ITM2A: variants seen among roughly 807,000 people sequenced by gnomAD.
ITM2A encodes integral membrane protein 2A, also known as BRICHOS domain containing 2A.
A neutral mutation model predicts 16.6 loss-of-function variants in ITM2A; 11 were observed. The observed-to-expected ratio is 0.66, with a 90% CI of 0.42 to 1.10. The LOEUF (loss-of-function observed/expected upper bound fraction) is 1.10. Ranked by LOEUF, ITM2A falls within the 50% of genes least tolerant of loss-of-function variation. The probability of loss-of-function intolerance (pLI) is 0.00; values close to 1 mark genes in which losing one functional copy is unlikely to be tolerated. For synonymous variants in ITM2A, 102 were observed against 71.2 expected (o/e 1.43, Z -2.18); for missense variants, 243 against 206.8 (o/e 1.17, Z -1.07).
At chrX:79,363,179 C>G in intron 2 of ITM2A, 40 bp from the exon 3 acceptor site, 1 of 1,044,736 alleles carries the variant, frequency 9.6e-7, no homozygotes, top group Non-Finnish European at 1.3e-6. Flanking sequence ...TTCTAATAAT[C>G]ACTATCATGA....
chrX:79,362,923 A>G lies in ITM2A; in HGVS notation c.441+19T>C, dbSNP rs374247600. The G allele has an allele frequency of 8.7e-7, 1 of 1,150,345 alleles. No homozygotes were observed. The highest frequency in any genetic ancestry group is 1.8e-5 in the African/African-American group (1 of 55,716). The allele number at this position is 1,150,345 out of a possible 1,213,427, so 94.8% of individuals were successfully genotyped here. A position where few individuals can be genotyped will look rare whatever the true frequency, so the allele number is the denominator to read the frequency against. On this transcript the variant is annotated intron_variant, in intron 3 of 5. Transcript: ENST00000373298. ...AGAGAAAAAAAATCCTGGAATATTTATAAGAATGAGAAGCCCACCTTTTCA... is the reference window on the plus strand; with the variant it reads ...AGAGAAAAAAAATCCTGGAATATTTGTAAGAATGAGAAGCCCACCTTTTCA...
intron 2 of ITM2A, 75 bp from the exon 3 acceptor site, chrX:79,363,214 T>C (rs1925487039): frequency 1.2e-6 from 1 of 864,643 alleles, no homozygotes; most frequent in South Asian, 2.3e-5. Context: ...TTCACACTCA[T>C]ATCAATTCAT....
intron 2 of ITM2A, 21 bp from the exon 3 acceptor site, chrX:79,363,160 A>C: frequency 8.9e-7 from 1 of 1,120,375 alleles, no homozygotes; most frequent in East Asian, 3.0e-5. Flanking sequence ...AAAAGGGAAA[A>C]TTACAACCTT....
At position 79,361,474 on chromosome X, in the gene ITM2A, G is replaced by T; in HGVS notation, c.558C>A (p.Gly186=). The change falls in exon 5 of 6, where the codon GGC becomes GGA. Residue 186 remains glycine, a synonymous_variant. Coordinates refer to ENST00000373298, the MANE Select transcript of ITM2A (RefSeq NM_004867.5). Reference sequence around the variant, plus strand: ...CCACATAAGTTTGAGGCAGATATCTGCCACTCTAAAAATCAAAAGCAAAGA... The same window carrying T: ...CCACATAAGTTTGAGGCAGATATCTTCCACTCTAAAAATCAAAAGCAAAGA... The part of the protein sequence containing the change: ...LVELFGKLAS[G]RYLPQTYVVR... 8.4e-7 allele frequency: 1 copy of T among 1,192,338 alleles called. No homozygotes were observed. The highest frequency in any genetic ancestry group is 1.8e-5 in the African/African-American group (1 of 57,140).
chrX:79,361,264 A>G, intron 5 of ITM2A, 65 bp downstream of exon 5: 1 of 1,131,992 alleles, frequency 8.8e-7, no homozygotes, highest in Non-Finnish European at 1.2e-6. Context: ...TTTTTCCTGT[A>G]TTCTACCTCC....
intron 1 of ITM2A, among the ~76,000 whole-genome samples, chrX:79,365,262 T>G (rs1445446451): frequency 1.8e-5 from 2 of 112,100 alleles, no homozygotes; most frequent in Non-Finnish European, 3.8e-5. Flanking sequence ...TATTAGAATT[T>G]CAATTTCATA....
intron 1 of ITM2A, among the ~76,000 whole-genome samples, chrX:79,364,278 T>C (rs1244666136): frequency 8.9e-6 from 1 of 112,298 alleles, no homozygotes; most frequent in Non-Finnish European, 1.9e-5. Context: ...TTTCTTAATA[T>C]CGATCAATAT....
chrX:79,361,984 G>T (rs1473674156), intron 4 of ITM2A, among the ~76,000 whole-genome samples: 1 of 108,771 alleles, frequency 9.2e-6, no homozygotes, highest in East Asian at 2.9e-4. Flanking sequence ...AAATATTGCT[G>T]CAATGAACAT....
At chrX:79,364,596 G>A (rs192458000) in intron 1 of ITM2A, among the ~76,000 whole-genome samples, 90 of 111,729 alleles carry the variant, frequency 8.1e-4, no homozygotes, top group African/African-American at 2.9e-3. Context: ...AGCAAATCTA[G>A]GCCCTGATCA....
intron 1 of ITM2A, among the ~76,000 whole-genome samples, chrX:79,366,099 T>C (rs1925566064): frequency 9.0e-6 from 1 of 111,662 alleles, no homozygotes; most frequent in South Asian, 3.8e-4. Context: ...ACGAAGACAA[T>C]ACTATTGCCC....
Position 79,363,783 on chromosome X carries a change from G to A in ITM2A, c.112-229C>T, listed in dbSNP as rs140358548. 4.8e-3 allele frequency among the ~76,000 whole-genome samples: 539 copies of A among 111,406 alleles called. 1 individual carries two copies. The highest frequency in any genetic ancestry group is 0.016 in the African/African-American group (484 of 30,672). ...TTTGGCATTTCTAAACCCAAATATC[G>A]ATATGAAATTATTTCAAAATACATG... On this transcript the variant is annotated intron_variant, in intron 1 of 5. Coordinates refer to ENST00000373298, the MANE Select transcript of ITM2A (RefSeq NM_004867.5).
chrX:79,363,085 A>T lies in ITM2A; in HGVS notation c.298T>A (p.Ser100Thr), dbSNP rs868663525. 1.7e-6 allele frequency: 2 copies of T among 1,209,717 alleles called. No homozygotes were observed. Among genetic ancestry groups the T allele is most frequent in the Middle Eastern group, 2.3e-4 (1 of 4,341 alleles). The change falls in exon 3 of 6, where the codon TCC becomes ACC. Residue 100 changes from serine to threonine, a missense_variant. By Grantham distance (58) the Ser-to-Thr change is moderately conservative. Transcript: ENST00000373298. Reference sequence around the variant, plus strand: ...AAGTTAGGCTCTCCTCCACGAAGGGAATTTGCAGGATCCTCAGAATCAAAA... The same window carrying T: ...AAGTTAGGCTCTCCTCCACGAAGGGTATTTGCAGGATCCTCAGAATCAAAA... ...CFFDSEDPAN[S>T]LRGGEPNFLP...
In ITM2A at chrX:79,363,000, A is replaced by G. The variant is rs750025696; in HGVS notation, c.383T>C (p.Val128Ala). The change falls in exon 3 of 6, where the codon GTG (valine) becomes GCG (alanine). Residue 128 changes from valine to alanine, a missense_variant. Coordinates refer to ENST00000373298, the MANE Select transcript of ITM2A (RefSeq NM_004867.5). ...ACTATCAGAGAAACTGGGGACAGGCACATCAATGATTGCAATGTTGTCATC... is the reference window on the plus strand; with the variant it reads ...ACTATCAGAGAAACTGGGGACAGGCGCATCAATGATTGCAATGTTGTCATC... ...REDDNIAIID[V>A]PVPSFSDSDP... The G allele has an allele frequency of 8.3e-6, 10 of 1,206,298 alleles. No homozygotes were observed. The East Asian group carries it at 1.8e-4, about 21-fold the overall frequency.
chrX:79,363,507 A>G lies in ITM2A; in HGVS notation c.159T>C (p.Cys53=). ...TQEKEGSSGR[C]MLTLLGLSFI... ...ATGAAAGGCCTAAGAGAGTAAGCATACATCTCCCAGAGGAGCCCTCTTTTT... is the reference window on the plus strand; with the variant it reads ...ATGAAAGGCCTAAGAGAGTAAGCATGCATCTCCCAGAGGAGCCCTCTTTTT... Residue 53 remains cysteine, a synonymous_variant, in exon 2 of 6, where the codon TGT becomes TGC. Transcript: ENST00000373298. 1 of 1,191,385 alleles carries G rather than the reference A, an allele frequency of 8.4e-7. No individual in the cohort carries two copies. The highest frequency in any genetic ancestry group is 1.1e-6 in the Non-Finnish European group (1 of 882,057).
intron 4 of ITM2A, among the ~76,000 whole-genome samples, chrX:79,362,150 G>T (rs1925440245): frequency 1.8e-5 from 2 of 111,395 alleles, no homozygotes; most frequent in Non-Finnish European, 3.8e-5. Flanking sequence ...AACACCAATG[G>T]TGTATAAGCA....
At chrX:79,366,244 C>G (rs1447649125) in intron 1 of ITM2A, among the ~76,000 whole-genome samples, 1 of 111,227 alleles carries the variant, frequency 9.0e-6, no homozygotes, top group Admixed American at 9.5e-5. Context: ...CCTGTCAAAG[C>G]TAGTAGTTTA....
chrX:79,363,423 CT>C lies in ITM2A; in HGVS notation c.242del (p.Lys81ArgfsTer31). 9.0e-7 allele frequency: 1 copy of C among 1,110,508 alleles called. No homozygotes were observed. Among genetic ancestry groups the C allele is most frequent in the Non-Finnish European group, 1.2e-6 (1 of 836,644 alleles). The allele number at this position is 1,110,508 out of a possible 1,213,427, so 91.5% of individuals were successfully genotyped here. A position where few individuals can be genotyped will look rare whatever the true frequency, so the allele number is the denominator to read the frequency against. On this transcript the variant is annotated frameshift_variant and splice_region_variant, in exon 2 of 6. Coordinates refer to ENST00000373298, the MANE Select transcript of ITM2A (RefSeq NM_004867.5). LOFTEE classifies it high-confidence loss of function. The stretch of plus-strand genomic sequence containing the variant: ...TAATAATTATAATTATTATTATTAC[CT>C]TGGGCATGAAGTACTTGTAAATGCA... ...GACIYKYFMP[K>X]STIYRGEMCF... is the part of the protein sequence containing the mutation.
Position 79,360,966 on chromosome X carries a change from T to A in ITM2A, c.*123A>T, listed in dbSNP as rs917248599. ...TAGTAGTTTTTTTTTTTCCTTTTTT[T>A]AAAGCATAAGCAATAGAGTAAATGC... On this transcript the variant is annotated 3_prime_UTR_variant, in exon 6 of 6. Coordinates refer to ENST00000373298, the MANE Select transcript of ITM2A (RefSeq NM_004867.5). 28 of 333,133 alleles carry A rather than the reference T, an allele frequency of 8.4e-5. No homozygotes were observed. The highest frequency in any genetic ancestry group is 1.4e-4 in the Non-Finnish European group (27 of 199,197). The allele number at this position is 333,133 out of a possible 1,213,427, so 27.5% of individuals were successfully genotyped here. A position where few individuals can be genotyped will look rare whatever the true frequency, so the allele number is the denominator to read the frequency against.
In ITM2A at chrX:79,367,225, T is replaced by G; in HGVS notation, c.-10A>C. ...AGGCGATTTTCACCATAGTGAATCT[T>G]CGGGCTGCGCGGTAAGGCGCTGCTG... On this transcript the variant is annotated 5_prime_UTR_variant, in exon 1 of 6. Transcript: ENST00000373298. 1 of 1,155,663 alleles carries G rather than the reference T, an allele frequency of 8.7e-7. No individual in the cohort carries two copies. Among genetic ancestry groups the G allele is most frequent in the Non-Finnish European group, 1.2e-6 (1 of 849,108 alleles).
Sources: allele counts gnomAD v4.1 joint callset (sites outside exome capture counted in the v4.1 genomes callset), GRCh38; gene constraint gnomAD v4.1.1; transcripts MANE v1.5; gene names NCBI Gene and HGNC (gene_info 2026-07-23, HGNC 2026-07-21).